Variants in MORC3 observed in about 807,000 individuals in gnomAD.
The protein encoded by MORC3 is MORC family CW-type zinc finger protein 3.
In MORC3, 31 loss-of-function variants were observed where a neutral mutation model predicts 109.1. That is an observed-to-expected ratio of 0.28 (90% confidence interval 0.21 to 0.38). The LOEUF (loss-of-function observed/expected upper bound fraction) is 0.38. Ranked by LOEUF, MORC3 falls within the 10% of genes least tolerant of loss-of-function variation. The pLI is 1.00. For synonymous variants in MORC3, 395 were observed against 380.7 expected, an observed-to-expected ratio of 1.04 and a Z score of -0.44; for missense variants, 867 against 1,135.8, an observed-to-expected ratio of 0.76 and a Z score of 3.40.
chr21:36,334,256 A>C (rs930817676), intron 2 of MORC3, among the ~76,000 whole-genome samples: 10 of 152,128 alleles, frequency 6.6e-5, no homozygotes, highest in Admixed American at 2.0e-4. Context: ...AAGAAAAAAA[A>C]CAGATACCTT....
At chr21:36,321,032 T>G (rs763733062) in intron 1 of MORC3, among the ~76,000 whole-genome samples, 6 of 152,242 alleles carry the variant, frequency 3.9e-5, no homozygotes, top group Admixed American at 3.9e-4. Flanking sequence ...AAAAAACTTT[T>G]CTACCTTGTG....
At chr21:36,364,774 G>T (rs1005809164) in intron 14 of MORC3, among the ~76,000 whole-genome samples, 1 of 151,848 alleles carries the variant, frequency 6.6e-6, no homozygotes, top group Non-Finnish European at 1.5e-5. Context: ...GAAGCAGCCC[G>T]GGCGCGGTGG....
intron 1 of MORC3, among the ~76,000 whole-genome samples, chr21:36,325,089 C>CT (rs1186046106): frequency 6.6e-6 from 1 of 152,164 alleles, no homozygotes; most frequent in Non-Finnish European, 1.5e-5. Context: ...CTTTGGTGGG[C>CT]TTCACTGTTG....
chr21:36,346,309 G>T (rs1270384418), intron 8 of MORC3, among the ~76,000 whole-genome samples: 1 of 152,232 alleles, frequency 6.6e-6, no homozygotes, highest in African/African-American at 2.4e-5. Flanking sequence ...CTGAGGCAAT[G>T]CGCTCGGCCT....
chr21:36,353,237 A>G (rs951571340), intron 9 of MORC3, among the ~76,000 whole-genome samples: 7 of 149,614 alleles, frequency 4.7e-5, no homozygotes, highest in African/African-American at 1.7e-4. Flanking sequence ...TGTGGCTGTA[A>G]TCCCAGCTAC....
In MORC3 at chr21:36,373,200, C is replaced by T. The variant is rs577413262; in HGVS notation, c.2666+669C>T. On this transcript the variant is annotated intron_variant, in intron 16 of 16. Transcript: ENST00000400485. ...ACTAAAAGTACAAAAATTAGCCGGGCGTGGTGGCAGGCGCCTGTAGTCCCA... is the reference window on the plus strand; with the variant it reads ...ACTAAAAGTACAAAAATTAGCCGGGTGTGGTGGCAGGCGCCTGTAGTCCCA... Among the ~76,000 whole-genome samples, 93 of 149,948 alleles carry T rather than the reference C, an allele frequency of 6.2e-4. 1 individual carries two copies. Among genetic ancestry groups the T allele is most frequent in the African/African-American group, 2.1e-3 (87 of 40,638 alleles).
intron 14 of MORC3, among the ~76,000 whole-genome samples, chr21:36,365,265 C>A (rs142853894): frequency 6.6e-6 from 1 of 151,998 alleles, no homozygotes; most frequent in Non-Finnish European, 1.5e-5. Context: ...GTGGTACTTA[C>A]GTTGGTTCCT....
At chr21:36,365,005 T>TCACGC (rs1255865325) in intron 14 of MORC3, among the ~76,000 whole-genome samples, 1 of 133,650 alleles carries the variant, frequency 7.5e-6, no homozygotes, top group Non-Finnish European at 1.5e-5. Context: ...TGAGCCGAGA[T>TCACGC]CACGCCACTG....
At chr21:36,339,670 A>G (rs1312678541) in intron 5 of MORC3, 2 of 152,154 alleles carry the variant, frequency 1.3e-5, no homozygotes, top group East Asian at 1.9e-4. Flanking sequence ...ATAATCCTTT[A>G]TCTTTGTGAG....
At chr21:36,372,582 T>C in intron 16 of MORC3, 51 bp downstream of exon 16, 1 of 1,495,752 alleles carries the variant, frequency 6.7e-7, no homozygotes, top group Non-Finnish European at 8.9e-7. Context: ...GTTAGGATAC[T>C]ATTTATTTTT....
At chr21:36,336,785 GTCT>G in intron 2 of MORC3, 86 bp from the exon 3 acceptor site, 1 of 1,280,208 alleles carries the variant, frequency 7.8e-7, no homozygotes, top group Non-Finnish European at 1.0e-6. Context: ...TTAAAACATA[GTCT>G]TCTATTGCTT....
At chr21:36,333,545 T>G in intron 1 of MORC3, 101 bp from the exon 2 acceptor site, 2 of 895,620 alleles carry the variant, frequency 2.2e-6, no homozygotes, top group South Asian at 2.9e-5. Flanking sequence ...AAGTCACTTT[T>G]GTTTGGTCTC....
chr21:36,354,432 G>A (rs2085620692), intron 9 of MORC3, among the ~76,000 whole-genome samples: 1 of 148,464 alleles, frequency 6.7e-6, no homozygotes, highest in Admixed American at 6.8e-5. Context: ...AGCCTCCTGA[G>A]TAGTTAGGAC....
Position 36,360,091 on chromosome 21 carries a change from G to C in MORC3, c.1331+14G>C, listed in dbSNP as rs1353514946. ...CCCACAGTTCAGGTACCATAGAGTT[G>C]GTAGTACCCTTTTTGGAAAGACGGA... On this transcript the variant is annotated intron_variant, in intron 11 of 16. Transcript: ENST00000400485. 1 of 1,614,112 alleles carries C rather than the reference G, an allele frequency of 6.2e-7. No homozygotes were observed. Among genetic ancestry groups the C allele is most frequent in the Non-Finnish European group, 8.5e-7 (1 of 1,180,020 alleles).
At chr21:36,348,991 A>C (rs1221541761) in intron 8 of MORC3, among the ~76,000 whole-genome samples, 1 of 151,972 alleles carries the variant, frequency 6.6e-6, no homozygotes, top group Non-Finnish European at 1.5e-5. Context: ...GTCTCTGCTA[A>C]AAATAGAAAA....
chr21:36,340,946 T>G (rs2085438544), intron 5 of MORC3, among the ~76,000 whole-genome samples: 1 of 152,154 alleles, frequency 6.6e-6, no homozygotes, highest in Admixed American at 6.6e-5. Context: ...CAGTTTGCAC[T>G]TTTTTCTTGC....
chr21:36,324,227 A>G (rs1421823201), intron 1 of MORC3, among the ~76,000 whole-genome samples: 1 of 151,112 alleles, frequency 6.6e-6, no homozygotes, highest in Non-Finnish European at 1.5e-5. Context: ...TGTCTTTTTG[A>G]ATTCTCCCTG....
At chr21:36,360,390 A>C (rs1220896009) in intron 12 of MORC3, 132 bp downstream of exon 12, 9 of 891,308 alleles carry the variant, frequency 1.0e-5, no homozygotes, top group Non-Finnish European at 1.5e-5. Context: ...GGAGTGCGTA[A>C]TATCAAGGGC....
chr21:36,369,966 C>T (rs1490139157), intron 15 of MORC3, 90 bp downstream of exon 15: 11 of 1,451,654 alleles, frequency 7.6e-6, no homozygotes, highest in East Asian at 2.3e-5. Context: ...GTGGCTCATA[C>T]CTGTAATCCC....
Sources: gnomAD v4.1 joint callset for allele counts (sites outside exome capture counted in the v4.1 genomes callset) on GRCh38, gnomAD v4.1.1 for gene constraint, MANE v1.5 for transcripts, NCBI Gene and HGNC (gene_info 2026-07-23, HGNC 2026-07-21) for gene names.